The following MDGA2 variants were observed in gnomAD, a reference collection of about 807,000 sequenced individuals.
The protein encoded by MDGA2 is MAM domain-containing glycosylphosphatidylinositol anchor protein 2.
Under a neutral mutation model 117.8 loss-of-function variants are expected in MDGA2, and 40 were observed. The ratio of observed to expected loss-of-function variants is 0.34; its 90% confidence interval spans 0.26 to 0.44. The LOEUF is 0.44. Ranked by LOEUF, MDGA2 falls within the 20% of genes least tolerant of loss-of-function variation. The pLI, the probability that MDGA2 is intolerant of heterozygous loss-of-function variation, is 1.00. For missense variants in MDGA2, 1,123 were observed against 1,250.6 expected (o/e 0.90, Z 1.54); for synonymous variants, 452 against 439.0 (o/e 1.03, Z -0.37).
chr14:47,016,328 C>A (rs76620279), intron 8 of MDGA2, among the ~76,000 whole-genome samples: 3 of 150,938 alleles, frequency 2.0e-5, no homozygotes, highest in Non-Finnish European at 3.0e-5. Context: ...TCATTAATAG[C>A]ACTTCAAATA....
chr14:47,490,349 T>C (rs2138651955), intron 1 of MDGA2, among the ~76,000 whole-genome samples: 1 of 152,248 alleles, frequency 6.6e-6, no homozygotes, highest in South Asian at 2.1e-4. Context: ...AAACATTTTA[T>C]TTAAAGCAAA....
intron 1 of MDGA2, among the ~76,000 whole-genome samples, chr14:47,383,783 C>G (rs1028583363): frequency 1.3e-5 from 2 of 152,074 alleles, no homozygotes; most frequent in Non-Finnish European, 2.9e-5. Context: ...CCTCAGCCTC[C>G]CAAATTGCTG....
rs184421468 is a variant in MDGA2 at position 47,010,554 on chromosome 14, C to A, written c.1819+24457G>T. ...TAAATTCATAACTATATCTTTATTT[C>A]CCAGTTTTGTCTCCTACCCCACTTT... On this transcript the variant is annotated intron_variant, in intron 8 of 16. Coordinates refer to ENST00000399232, the MANE Select transcript of MDGA2 (RefSeq NM_001113498.3). Among the ~76,000 whole-genome samples the A allele has an allele frequency of 2.5e-3, 375 of 151,824 alleles. 2 individuals are homozygous for A. Among genetic ancestry groups the A allele is most frequent in the South Asian group, 6.2e-3 (30 of 4,810 alleles).
intron 1 of MDGA2, among the ~76,000 whole-genome samples, chr14:47,386,280 A>G (rs1891755914): frequency 6.6e-6 from 1 of 152,116 alleles, no homozygotes; most frequent in African/African-American, 2.4e-5. Flanking sequence ...AACTCCACCC[A>G]AAAAAGAAAG....
At chr14:47,672,096 T>C (rs1464733155) in intron 1 of MDGA2, among the ~76,000 whole-genome samples, 1 of 152,158 alleles carries the variant, frequency 6.6e-6, no homozygotes, top group Non-Finnish European at 1.5e-5. Flanking sequence ...AGTTCCAGGG[T>C]GATGCTAATG....
rs554677833 is a variant in MDGA2, at chr14:47,260,116, G to A, written c.420+41295C>T. Reference sequence around the variant, plus strand: ...ATGGAAAAATGGTAATTTAGAGGAGGAGAAAAAGGATAGCATGGCCCAAAA... The same window carrying A: ...ATGGAAAAATGGTAATTTAGAGGAGAAGAAAAAGGATAGCATGGCCCAAAA... On this transcript the variant is annotated intron_variant, in intron 2 of 16. Coordinates refer to ENST00000399232, the MANE Select transcript of MDGA2 (RefSeq NM_001113498.3). 2.6e-4 allele frequency among the ~76,000 whole-genome samples: 40 copies of A among 152,026 alleles called. No individual in the cohort carries two copies. The South Asian group carries it at 8.3e-3, about 32-fold the overall frequency.
intron 1 of MDGA2, among the ~76,000 whole-genome samples, chr14:47,524,433 ATAATT>A (rs1894930345): frequency 6.6e-6 from 1 of 152,246 alleles, no homozygotes; most frequent in African/African-American, 2.4e-5. Flanking sequence ...GAAATGAAAG[ATAATT>A]TAAGATAAGA....
chr14:47,653,591 A>T (rs1897685480), intron 1 of MDGA2, among the ~76,000 whole-genome samples: 1 of 152,138 alleles, frequency 6.6e-6, no homozygotes, highest in Non-Finnish European at 1.5e-5. Context: ...TTCACATCCT[A>T]ATTCCCGGAA....
chr14:47,176,646 T>C (rs947329048), intron 3 of MDGA2, among the ~76,000 whole-genome samples: 3 of 152,088 alleles, frequency 2.0e-5, no homozygotes, highest in African/African-American at 7.2e-5. Context: ...ATACAAAAAT[T>C]AATTCAATAT....
chr14:46,997,835 T>G (rs1887352833), intron 8 of MDGA2, among the ~76,000 whole-genome samples: 1 of 152,196 alleles, frequency 6.6e-6, no homozygotes. Context: ...AAATGTTTGT[T>G]AAATTTATGA....
intron 1 of MDGA2, among the ~76,000 whole-genome samples, chr14:47,533,946 A>G (rs796532583): frequency 2.0e-4 from 30 of 152,330 alleles, no homozygotes; most frequent in African/African-American, 7.2e-4. Flanking sequence ...AATGCAGCTT[A>G]AAAGGTAAAA....
intron 1 of MDGA2, among the ~76,000 whole-genome samples, chr14:47,656,153 G>A (rs1897739613): frequency 6.6e-6 from 1 of 152,184 alleles, no homozygotes; most frequent in Non-Finnish European, 1.5e-5. Flanking sequence ...GGTTTTGTCA[G>A]CCAAGTCATA....
At chr14:47,247,071 T>C (rs991640314) in intron 2 of MDGA2, among the ~76,000 whole-genome samples, 1 of 151,854 alleles carries the variant, frequency 6.6e-6, no homozygotes. Flanking sequence ...TACCATGTAA[T>C]GTTAAGGCTA....
At chr14:47,549,813 C>A (rs1895545540) in intron 1 of MDGA2, among the ~76,000 whole-genome samples, 1 of 152,176 alleles carries the variant, frequency 6.6e-6, no homozygotes, top group South Asian at 2.1e-4. Flanking sequence ...GCCCCATGAG[C>A]ACACAGCAAG....
At chr14:46,899,952 A>G (rs1883221217) in intron 10 of MDGA2, among the ~76,000 whole-genome samples, 1 of 152,216 alleles carries the variant, frequency 6.6e-6, no homozygotes, top group Non-Finnish European at 1.5e-5. Context: ...ATGTGTCAAT[A>G]TCCATATATA....
intron 2 of MDGA2, among the ~76,000 whole-genome samples, chr14:47,228,630 A>G (rs1004933348): frequency 6.6e-6 from 1 of 152,152 alleles, no homozygotes; most frequent in Admixed American, 6.6e-5. Flanking sequence ...TTTTCTGCTT[A>G]CAATGGGTTT....
At chr14:47,478,758 G>A (rs1893893027) in intron 1 of MDGA2, among the ~76,000 whole-genome samples, 1 of 152,170 alleles carries the variant, frequency 6.6e-6, no homozygotes, top group East Asian at 1.9e-4. Context: ...AAAACACATT[G>A]AGAAAAATCT....
chr14:47,182,006 T>A (rs995408165), intron 3 of MDGA2, among the ~76,000 whole-genome samples: 2 of 152,176 alleles, frequency 1.3e-5, no homozygotes, highest in Non-Finnish European at 2.9e-5. Context: ...TAGTTGCTGA[T>A]GAACTAATCA....
intron 1 of MDGA2, among the ~76,000 whole-genome samples, chr14:47,406,675 A>G (rs1453883206): frequency 6.6e-6 from 1 of 152,044 alleles, no homozygotes; most frequent in Non-Finnish European, 1.5e-5. Flanking sequence ...CTTAATGGCT[A>G]CTGATAGAAA....
Sources: gnomAD v4.1 joint callset for allele counts (sites outside exome capture counted in the v4.1 genomes callset) on GRCh38, gnomAD v4.1.1 for gene constraint, MANE v1.5 for transcripts, NCBI Gene and HGNC (gene_info 2026-07-23, HGNC 2026-07-21) for gene names.